Variants in ARHGAP42 observed in about 807,000 individuals in gnomAD.
ARHGAP42 encodes Rho GTPase activating protein 42.
A neutral mutation model predicts 125.0 loss-of-function variants in ARHGAP42; 63 were observed. The observed-to-expected ratio is 0.50, with a 90% CI of 0.41 to 0.62. The LOEUF (loss-of-function observed/expected upper bound fraction) is 0.62, where lower values mean the gene tolerates loss of function less well. ARHGAP42 is among the 20% of genes least tolerant of loss of function. The pLI, the probability that ARHGAP42 is intolerant of heterozygous loss-of-function variation, is 0.00. For missense variants in ARHGAP42, 766 were observed against 1,024.2 expected, an observed-to-expected ratio of 0.75 and a Z score of 3.44; for synonymous variants, 339 against 351.0, an observed-to-expected ratio of 0.97 and a Z score of 0.38.
intron 1 of ARHGAP42, among the ~76,000 whole-genome samples, chr11:100,760,693 T>A (rs1490506833): frequency 6.6e-6 from 1 of 151,378 alleles, no homozygotes; most frequent in Non-Finnish European, 1.5e-5. Context: ...AGAGCAAGAC[T>A]CTGTCTCAAA....
chr11:100,705,963 G>A (rs1268458708), intron 1 of ARHGAP42, among the ~76,000 whole-genome samples: 1 of 149,950 alleles, frequency 6.7e-6, no homozygotes, highest in Non-Finnish European at 1.5e-5. Context: ...TACTTCTGTG[G>A]AATAGTTAAG....
At chr11:100,751,131 G>A (rs1048527113) in intron 1 of ARHGAP42, among the ~76,000 whole-genome samples, 3 of 151,660 alleles carry the variant, frequency 2.0e-5, no homozygotes, top group African/African-American at 7.3e-5. Context: ...TAGAGATGGG[G>A]TTTTACCATG....
chr11:100,849,510 G>A (rs949358923), intron 3 of ARHGAP42, among the ~76,000 whole-genome samples: 1 of 152,250 alleles, frequency 6.6e-6, no homozygotes, highest in East Asian at 1.9e-4. Context: ...ATTGTAGGAC[G>A]TAGATAACTT....
intron 5 of ARHGAP42, among the ~76,000 whole-genome samples, 191 bp downstream of exon 5, chr11:100,913,744 A>G (rs1019248082): frequency 1.3e-5 from 2 of 152,212 alleles, no homozygotes; most frequent in Admixed American, 1.3e-4. Context: ...AAGGATCAAT[A>G]TTTCTTTCAA....
intron 16 of ARHGAP42, 54 bp downstream of exon 16, chr11:100,962,521 A>G (rs888497612): frequency 7.9e-6 from 11 of 1,398,182 alleles, no homozygotes; most frequent in Admixed American, 2.0e-5. Context: ...TTATGCTGCC[A>G]TACTTAGGCA....
chr11:100,728,569 A>G (rs968742857), intron 1 of ARHGAP42, among the ~76,000 whole-genome samples: 11 of 151,806 alleles, frequency 7.2e-5, no homozygotes, highest in African/African-American at 2.2e-4. Context: ...CACTTACACC[A>G]TGCAATTGCA....
chr11:100,993,154 G>A lies in ARHGAP42; in HGVS notation c.*4353G>A, dbSNP rs1858885645. On this transcript the variant is annotated 3_prime_UTR_variant, in exon 24 of 24. Coordinates refer to ENST00000298815, the MANE Select transcript of ARHGAP42 (RefSeq NM_152432.4). Reference sequence around the variant, plus strand: ...TAGGATAACCCCTTTCTCCCCTTTGGACCATCTGCCATCTTTCATGAGTGT... The same window carrying A: ...TAGGATAACCCCTTTCTCCCCTTTGAACCATCTGCCATCTTTCATGAGTGT... The A allele has an allele frequency of 5.9e-6, 1 of 168,880 alleles. No homozygotes were observed. Among genetic ancestry groups the A allele is most frequent in the African/African-American group, 2.4e-5 (1 of 41,454 alleles). 10.5% of individuals were successfully genotyped at this position (168,880 alleles called of 1,614,324 possible).
intron 1 of ARHGAP42, among the ~76,000 whole-genome samples, chr11:100,688,488 G>T (rs2120158229): frequency 1.3e-5 from 2 of 152,280 alleles, no homozygotes; most frequent in African/African-American, 2.4e-5. Flanking sequence ...AACTTTTGAT[G>T]ATCTGTAGAA....
intron 2 of ARHGAP42, among the ~76,000 whole-genome samples, chr11:100,777,092 G>A (rs926083481): frequency 1.3e-5 from 2 of 151,976 alleles, no homozygotes; most frequent in African/African-American, 2.4e-5. Flanking sequence ...ATGAGAGCTC[G>A]AACATGAACC....
At chr11:100,874,912 G>A (rs1251086967) in intron 4 of ARHGAP42, among the ~76,000 whole-genome samples, 1 of 152,092 alleles carries the variant, frequency 6.6e-6, no homozygotes, top group Non-Finnish European at 1.5e-5. Flanking sequence ...CCAGCTCAAA[G>A]CACGTATCTC....
chr11:100,925,954 G>A (rs1039869116), intron 6 of ARHGAP42, among the ~76,000 whole-genome samples: 2 of 152,104 alleles, frequency 1.3e-5, no homozygotes, highest in African/African-American at 4.8e-5. Context: ...AGAGCTGCCC[G>A]AAGTTATGAG....
intron 1 of ARHGAP42, among the ~76,000 whole-genome samples, chr11:100,735,899 A>T (rs1862058059): frequency 1.3e-5 from 2 of 152,168 alleles, no homozygotes; most frequent in African/African-American, 4.8e-5. Context: ...TACAGGCGTG[A>T]GCTACCGCGC....
chr11:100,939,455 GAAC>G (rs1388822331), intron 8 of ARHGAP42, among the ~76,000 whole-genome samples: 3 of 151,912 alleles, frequency 2.0e-5, no homozygotes, highest in African/African-American at 7.3e-5. Flanking sequence ...TCTCTAAAAA[GAAC>G]AACTTCAGTC....
chr11:100,699,562 A>T, intron 1 of ARHGAP42, among the ~76,000 whole-genome samples: 1 of 104,496 alleles, frequency 9.6e-6, no homozygotes, highest in African/African-American at 3.7e-5. Context: ...CACTCTTGTC[A>T]CCCAGGCTGG....
chr11:100,751,161 A>T (rs538273309), intron 1 of ARHGAP42, among the ~76,000 whole-genome samples: 6 of 149,286 alleles, frequency 4.0e-5, no homozygotes, highest in Non-Finnish European at 8.9e-5. Context: ...CTAGTCTTGA[A>T]CTCCTGACCT....
At chr11:100,900,849 A>G (rs1421271266) in intron 4 of ARHGAP42, among the ~76,000 whole-genome samples, 2 of 152,084 alleles carry the variant, frequency 1.3e-5, no homozygotes, top group East Asian at 3.9e-4. Flanking sequence ...CCTTTAGCTC[A>G]GAGAAGTTCG....
At chr11:100,975,219 T>C (rs1160768678) in intron 19 of ARHGAP42, among the ~76,000 whole-genome samples, 1 of 152,044 alleles carries the variant, frequency 6.6e-6, no homozygotes, top group Non-Finnish European at 1.5e-5. Flanking sequence ...AAGAATGTAA[T>C]TGGATTGTTT....
At chr11:100,943,092 A>G (rs1020872279) in intron 9 of ARHGAP42, among the ~76,000 whole-genome samples, 21 of 151,970 alleles carry the variant, frequency 1.4e-4, no homozygotes, top group African/African-American at 5.1e-4. Context: ...AGTCAGTTTT[A>G]GTAGCGGTGT....
Position 100,828,639 on chromosome 11 carries a change from G to T in ARHGAP42, c.313-30915G>T, listed in dbSNP as rs369331287. ...ATTCAACATACATGACTTTAAGGGG[G>T]AAAGGGCCTACCTACTATTAATTGT... On this transcript the variant is annotated intron_variant, in intron 3 of 23. Transcript: ENST00000298815. Among the ~76,000 whole-genome samples the T allele has an allele frequency of 2.6e-5, 4 of 152,018 alleles. No homozygotes were observed. The East Asian group carries it at 5.8e-4, about 22-fold the overall frequency.
Sources: gnomAD v4.1 joint callset for allele counts (sites outside exome capture counted in the v4.1 genomes callset) on GRCh38, gnomAD v4.1.1 for gene constraint, MANE v1.5 for transcripts, NCBI Gene and HGNC (gene_info 2026-07-23, HGNC 2026-07-21) for gene names.